Variants in CLSTN2 observed in about 807,000 individuals in gnomAD.
CLSTN2 encodes the protein calsyntenin-2.
A neutral mutation model predicts 101.2 loss-of-function variants in CLSTN2; 48 were observed. The observed-to-expected ratio is 0.47, with a 90% CI of 0.38 to 0.60. The LOEUF is 0.60. Ranked by LOEUF, CLSTN2 falls within the 20% of genes least tolerant of loss-of-function variation. The pLI, the probability that CLSTN2 is intolerant of heterozygous loss-of-function variation, is 0.00. For missense variants in CLSTN2, 1,160 were observed against 1,238.2 expected, an observed-to-expected ratio of 0.94 and a Z score of 0.95; for synonymous variants, 481 against 463.6, an observed-to-expected ratio of 1.04 and a Z score of -0.48.
chr3:140,088,114 G>A (rs1220446788), intron 1 of CLSTN2, among the ~76,000 whole-genome samples: 1 of 152,030 alleles, frequency 6.6e-6, no homozygotes, highest in Non-Finnish European at 1.5e-5. Flanking sequence ...TTATTTTGTG[G>A]CCCATTATTC....
intron 1 of CLSTN2, among the ~76,000 whole-genome samples, chr3:139,954,616 A>C (rs1053079704): frequency 1.3e-5 from 2 of 152,126 alleles, no homozygotes; most frequent in African/African-American, 4.8e-5. Context: ...CTGGGGGAAC[A>C]TCTGGCACCT....
chr3:140,158,019 A>G (rs902468578), intron 1 of CLSTN2, among the ~76,000 whole-genome samples: 9 of 152,198 alleles, frequency 5.9e-5, no homozygotes, highest in Non-Finnish European at 1.2e-4. Flanking sequence ...CCTTCATAAC[A>G]AAACCCCTCA....
chr3:140,056,389 C>T (rs1013976029), intron 1 of CLSTN2, among the ~76,000 whole-genome samples: 5 of 152,190 alleles, frequency 3.3e-5, no homozygotes, highest in Non-Finnish European at 7.3e-5. Context: ...CCCTCTGTAC[C>T]CGCAGGGCTC....
chr3:140,338,210 TTC>T (rs1225209080), intron 2 of CLSTN2, among the ~76,000 whole-genome samples: 1 of 152,068 alleles, frequency 6.6e-6, no homozygotes, highest in Non-Finnish European at 1.5e-5. Context: ...CTCTCTCTCT[TTC>T]TCTTTGTGCT....
intron 2 of CLSTN2, among the ~76,000 whole-genome samples, chr3:140,324,786 T>G (rs914033224): frequency 1.3e-5 from 2 of 152,234 alleles, no homozygotes; most frequent in Non-Finnish European, 2.9e-5. Flanking sequence ...TTACGTCTCA[T>G]GCATTTTTAC....
chr3:139,950,569 G>T (rs762059039), intron 1 of CLSTN2, among the ~76,000 whole-genome samples: 2 of 152,152 alleles, frequency 1.3e-5, no homozygotes, highest in Non-Finnish European at 2.9e-5. Context: ...TTTCAGGATG[G>T]ATAACGGAAA....
At chr3:140,342,683 G>T (rs1338395610) in intron 2 of CLSTN2, among the ~76,000 whole-genome samples, 1 of 152,052 alleles carries the variant, frequency 6.6e-6, no homozygotes, top group Non-Finnish European at 1.5e-5. Flanking sequence ...CTGATGTCTG[G>T]GGTCCTCACT....
At chr3:140,202,574 T>C (rs2010730978) in intron 2 of CLSTN2, among the ~76,000 whole-genome samples, 1 of 152,154 alleles carries the variant, frequency 6.6e-6, no homozygotes, top group Admixed American at 6.5e-5. Context: ...CAAGTGGAGA[T>C]GTGAAGTAGG....
chr3:140,307,521 A>G (rs2087126321), intron 2 of CLSTN2, among the ~76,000 whole-genome samples: 1 of 152,248 alleles, frequency 6.6e-6, no homozygotes, highest in Non-Finnish European at 1.5e-5. Context: ...CTCAGGATTC[A>G]GCATAAAGTA....
intron 1 of CLSTN2, among the ~76,000 whole-genome samples, chr3:139,964,625 T>C (rs950243238): frequency 6.6e-6 from 1 of 151,928 alleles, no homozygotes; most frequent in Admixed American, 6.6e-5. Context: ...GGAGCTGGAC[T>C]GAAGATCTAC....
At chr3:140,157,368 C>T (rs1051135836) in intron 1 of CLSTN2, among the ~76,000 whole-genome samples, 7 of 152,148 alleles carry the variant, frequency 4.6e-5, no homozygotes, top group African/African-American at 9.6e-5. Flanking sequence ...ATCTGGTCTG[C>T]GGATTTATTT....
chr3:140,033,084 T>G (rs1422628206), intron 1 of CLSTN2, among the ~76,000 whole-genome samples: 2 of 152,220 alleles, frequency 1.3e-5, no homozygotes, highest in Non-Finnish European at 2.9e-5. Flanking sequence ...ACTGGAATAA[T>G]GATACTCGCT....
At chr3:140,337,884 T>C (rs998639772) in intron 2 of CLSTN2, among the ~76,000 whole-genome samples, 1 of 152,172 alleles carries the variant, frequency 6.6e-6, no homozygotes, top group African/African-American at 2.4e-5. Context: ...TATTAACTGA[T>C]TTAACCCTTA....
intron 1 of CLSTN2, among the ~76,000 whole-genome samples, chr3:140,173,890 G>A (rs2010278387): frequency 6.6e-6 from 1 of 152,158 alleles, no homozygotes; most frequent in Admixed American, 6.5e-5. Flanking sequence ...TTCCTTCTAG[G>A]CCTCAGGTCC....
chr3:140,409,272 G>T (rs1158109157), intron 4 of CLSTN2, among the ~76,000 whole-genome samples: 2 of 152,126 alleles, frequency 1.3e-5, no homozygotes, highest in Non-Finnish European at 2.9e-5. Flanking sequence ...ACACACCAAT[G>T]GCCCTGACTC....
intron 2 of CLSTN2, among the ~76,000 whole-genome samples, chr3:140,265,427 G>T (rs2086687033): frequency 6.6e-6 from 1 of 152,160 alleles, no homozygotes; most frequent in South Asian, 2.1e-4. Context: ...AAGGCTCAGA[G>T]ACTCTGAGAC....
At chr3:139,976,178 G>A (rs1264036972) in intron 1 of CLSTN2, among the ~76,000 whole-genome samples, 4 of 152,184 alleles carry the variant, frequency 2.6e-5, no homozygotes, top group African/African-American at 4.8e-5. Flanking sequence ...TAGATTATAG[G>A]AAGAGCCTGC....
chr3:140,341,568 T>A (rs2087493107), intron 2 of CLSTN2, among the ~76,000 whole-genome samples: 1 of 152,158 alleles, frequency 6.6e-6, no homozygotes, highest in Admixed American at 6.5e-5. Context: ...AGAAGAAGGT[T>A]TCTATCCAGC....
intron 1 of CLSTN2, among the ~76,000 whole-genome samples, chr3:140,020,758 C>T (rs1205276379): frequency 6.6e-6 from 1 of 152,202 alleles, no homozygotes. Flanking sequence ...GGCACATTAT[C>T]TAAATTGTTA....
Sources: allele counts gnomAD v4.1 joint callset (sites outside exome capture counted in the v4.1 genomes callset), GRCh38; gene constraint gnomAD v4.1.1; transcripts MANE v1.5; gene names NCBI Gene and HGNC (gene_info 2026-07-23, HGNC 2026-07-21).